The following NDUFAF2 variants were observed in gnomAD, a reference collection of about 807,000 sequenced individuals.
NDUFAF2 encodes NADH:ubiquinone oxidoreductase complex assembly factor 2.
A neutral mutation model predicts 22.8 loss-of-function variants in NDUFAF2; 13 were observed. That is an observed-to-expected ratio of 0.57 (90% confidence interval 0.37 to 0.91). The LOEUF (loss-of-function observed/expected upper bound fraction) is 0.91. Among genes scored for constraint, NDUFAF2 ranks in the 40% least tolerant of loss-of-function variants. The probability of loss-of-function intolerance (pLI) is 0.01; values close to 1 mark genes in which losing one functional copy is unlikely to be tolerated. For missense variants in NDUFAF2, 162 were observed against 195.2 expected (o/e 0.83, Z 1.01); for synonymous variants, 53 against 64.2 (o/e 0.83, Z 0.84).
intron 1 of NDUFAF2, among the ~76,000 whole-genome samples, chr5:61,030,237 A>G (rs1035681860): frequency 6.6e-6 from 1 of 152,166 alleles, no homozygotes; most frequent in African/African-American, 2.4e-5. Flanking sequence ...TGTTTTCAAT[A>G]GTCAGGGATA....
intron 1 of NDUFAF2, among the ~76,000 whole-genome samples, chr5:61,012,690 A>G (rs912674504): frequency 6.6e-6 from 1 of 152,058 alleles, no homozygotes; most frequent in Non-Finnish European, 1.5e-5. Flanking sequence ...ATTTGGATCT[A>G]TATTTCTCTA....
chr5:61,030,737 CTCT>C (rs1751712331), intron 1 of NDUFAF2, among the ~76,000 whole-genome samples: 1 of 151,790 alleles, frequency 6.6e-6, no homozygotes, highest in South Asian at 2.1e-4. Flanking sequence ...TTCTGGTTTC[CTCT>C]TCTTTCTTCT....
intron 1 of NDUFAF2, among the ~76,000 whole-genome samples, chr5:60,950,368 G>A (rs1750527971): frequency 6.6e-6 from 1 of 151,624 alleles, no homozygotes; most frequent in Non-Finnish European, 1.5e-5. Context: ...TTATTTTTAG[G>A]AGAGATGGGG....
At chr5:61,087,650 G>A (rs1173177838) in intron 2 of NDUFAF2, among the ~76,000 whole-genome samples, 1 of 152,040 alleles carries the variant, frequency 6.6e-6, no homozygotes, top group African/African-American at 2.4e-5. Context: ...GACATTTTAT[G>A]GCTAAGTATT....
intron 3 of NDUFAF2, among the ~76,000 whole-genome samples, chr5:61,144,759 C>T (rs890648582): frequency 6.6e-6 from 1 of 152,174 alleles, no homozygotes; most frequent in African/African-American, 2.4e-5. Flanking sequence ...AGCTCTTAGC[C>T]TTCCCTCAGA....
intron 1 of NDUFAF2, among the ~76,000 whole-genome samples, chr5:61,046,340 A>G (rs1183659047): frequency 6.6e-6 from 1 of 152,032 alleles, no homozygotes; most frequent in Non-Finnish European, 1.5e-5. Flanking sequence ...ATGAGTTCAG[A>G]AGTTTTTTTG....
chr5:60,987,604 C>T (rs1445061128), intron 1 of NDUFAF2, among the ~76,000 whole-genome samples: 1 of 152,126 alleles, frequency 6.6e-6, no homozygotes, highest in African/African-American at 2.4e-5. Flanking sequence ...TAGGCTCTAT[C>T]CCTGGGATGC....
At chr5:61,036,539 C>G (rs1290885095) in intron 1 of NDUFAF2, among the ~76,000 whole-genome samples, 7 of 152,124 alleles carry the variant, frequency 4.6e-5, no homozygotes, top group African/African-American at 1.7e-4. Flanking sequence ...AGGCAAGAAA[C>G]AGATGGCACA....
intron 1 of NDUFAF2, among the ~76,000 whole-genome samples, chr5:60,995,942 A>G (rs1751223319): frequency 6.6e-6 from 1 of 152,174 alleles, no homozygotes; most frequent in Admixed American, 6.5e-5. Context: ...GCCACAAGGA[A>G]GTACTACAAG....
chr5:61,073,355 T>A, intron 2 of NDUFAF2, 141 bp downstream of exon 2: 1 of 690,818 alleles, frequency 1.4e-6, no homozygotes, highest in South Asian at 1.6e-5. Context: ...TTTGTTTTTT[T>A]AACATTGCAT....
chr5:61,014,383 T>C (rs764393343), intron 1 of NDUFAF2, among the ~76,000 whole-genome samples: 2 of 152,224 alleles, frequency 1.3e-5, no homozygotes, highest in Non-Finnish European at 2.9e-5. Flanking sequence ...GCTTGGAACC[T>C]TTCCAGATTT....
chr5:60,969,995 G>A (rs1175016161), intron 1 of NDUFAF2, among the ~76,000 whole-genome samples: 2 of 152,096 alleles, frequency 1.3e-5, no homozygotes, highest in Non-Finnish European at 2.9e-5. Flanking sequence ...TTTCCCCACT[G>A]TGTGTTCTTG....
intron 3 of NDUFAF2, among the ~76,000 whole-genome samples, chr5:61,110,297 C>G (rs1752822536): frequency 6.7e-6 from 1 of 149,082 alleles, no homozygotes; most frequent in South Asian, 2.1e-4. Flanking sequence ...TTAAATGTAT[C>G]TTTGTCTGCT....
chr5:60,995,144 G>A (rs967760555), intron 1 of NDUFAF2, among the ~76,000 whole-genome samples: 4 of 151,888 alleles, frequency 2.6e-5, no homozygotes, highest in African/African-American at 7.3e-5. Context: ...TGAATTCTTC[G>A]TCTGAAAGGT....
intron 1 of NDUFAF2, among the ~76,000 whole-genome samples, chr5:61,070,500 T>A (rs185607424): frequency 1.0e-3 from 158 of 152,136 alleles, no homozygotes; most frequent in African/African-American, 3.2e-3. Flanking sequence ...TATACTTTTT[T>A]AAAAAATCTT....
chr5:61,020,790 T>TG, intron 1 of NDUFAF2, among the ~76,000 whole-genome samples: 1 of 152,028 alleles, frequency 6.6e-6, no homozygotes, highest in Non-Finnish European at 1.5e-5. Flanking sequence ...CTCTGCCTCC[T>TG]GGTTCAGTGA....
chr5:60,977,803 C>T (rs1297777700), intron 1 of NDUFAF2, among the ~76,000 whole-genome samples: 1 of 148,984 alleles, frequency 6.7e-6, no homozygotes, highest in East Asian at 2.0e-4. Context: ...TGACACTGCA[C>T]TCCAGTCTGG....
At position 60,947,308 on chromosome 5, in the gene NDUFAF2, T is replaced by C. The variant is rs184826797; in HGVS notation, c.127+1926T>C. ...TAGTATTATCTGATTTTTGGGTGTGTTTTTATTTTTATTTTAGCCATTTTG... is the reference window on the plus strand; with the variant it reads ...TAGTATTATCTGATTTTTGGGTGTGCTTTTATTTTTATTTTAGCCATTTTG... On this transcript the variant is annotated intron_variant, in intron 1 of 3. Transcript: ENST00000296597. Among the ~76,000 whole-genome samples the C allele has an allele frequency of 1.5e-3, 235 of 152,272 alleles. 1 individual carries two copies. The highest frequency in any genetic ancestry group is 5.5e-3 in the African/African-American group (228 of 41,552).
chr5:61,048,904 A>G (rs1441354721), intron 1 of NDUFAF2, among the ~76,000 whole-genome samples: 3 of 152,226 alleles, frequency 2.0e-5, no homozygotes, highest in East Asian at 3.9e-4. Flanking sequence ...GTAGAACCAC[A>G]TTCACAATGG....
Sources: gnomAD v4.1 joint callset for allele counts (sites outside exome capture counted in the v4.1 genomes callset) on GRCh38, gnomAD v4.1.1 for gene constraint, MANE v1.5 for transcripts, NCBI Gene and HGNC (gene_info 2026-07-23, HGNC 2026-07-21) for gene names.